Variants in INTS4 observed in about 807,000 individuals in gnomAD.
INTS4 encodes the protein MSTP093.
INTS4 carries 70 observed loss-of-function variants against 119.5 expected under a neutral mutation model. The ratio of observed to expected loss-of-function variants is 0.59; its 90% CI spans 0.48 to 0.71. The LOEUF is 0.71. Among genes scored for constraint, INTS4 ranks in the 30% least tolerant of loss-of-function variants. The pLI, the probability that INTS4 is intolerant of heterozygous loss-of-function variation, is 0.00. For synonymous variants in INTS4, 316 were observed against 419.6 expected (o/e 0.75, Z 3.02); for missense variants, 867 against 1,173.2 (o/e 0.74, Z 3.81).
At chr11:77,976,373 TAAAC>T (rs1855953244) in intron 4 of INTS4, among the ~76,000 whole-genome samples, 1 of 152,022 alleles carries the variant, frequency 6.6e-6, no homozygotes, top group Non-Finnish European at 1.5e-5. Context: ...TTCAAAAAAA[TAAAC>T]AACACAGCCT....
At chr11:77,888,990 G>A (rs1379271246) in intron 21 of INTS4, among the ~76,000 whole-genome samples, 1 of 152,192 alleles carries the variant, frequency 6.6e-6, no homozygotes, top group Non-Finnish European at 1.5e-5. Flanking sequence ...CTGTAAACTA[G>A]TTCAACCATT....
intron 4 of INTS4, among the ~76,000 whole-genome samples, chr11:77,970,961 C>T (rs1218991057): frequency 1.3e-5 from 2 of 152,038 alleles, no homozygotes; most frequent in African/African-American, 4.8e-5. Flanking sequence ...GCGCCCACCA[C>T]CATGCCTGGC....
chr11:77,990,893 T>C (rs1565296703), intron 2 of INTS4, among the ~76,000 whole-genome samples: 2 of 152,138 alleles, frequency 1.3e-5, no homozygotes, highest in Non-Finnish European at 1.5e-5. Flanking sequence ...CACCTTATCA[T>C]TGACATGTCT....
intron 10 of INTS4, among the ~76,000 whole-genome samples, chr11:77,932,162 A>G (rs1210807645): frequency 6.6e-6 from 1 of 152,188 alleles, no homozygotes; most frequent in African/African-American, 2.4e-5. Context: ...AACCTACAGA[A>G]TGGGAGAAAA....
rs1292993937 is a variant in INTS4, at chr11:77,993,175, C to T, written c.54+1415G>A. ...TCCATCTCCAGGACACGGAGATGAG[C>T]CAGGCATTAGCTCTGCCATCAAGGA... On this transcript the variant is annotated intron_variant, in intron 1 of 22. Coordinates refer to ENST00000534064, the MANE Select transcript of INTS4 (RefSeq NM_033547.4). Among the ~76,000 whole-genome samples the T allele has an allele frequency of 3.3e-5, 5 of 152,256 alleles. No individual in the cohort carries two copies. The South Asian group carries it at 1.0e-3, about 32-fold the overall frequency.
chr11:77,980,363 GC>G (rs1451656993), intron 3 of INTS4, among the ~76,000 whole-genome samples: 1 of 149,828 alleles, frequency 6.7e-6, no homozygotes, highest in African/African-American at 2.4e-5. Context: ...TTGTTTTGGT[GC>G]TTGTATTTAT....
rs117026162 is a variant in INTS4, at chr11:77,985,146, T to A, written c.247-3570A>T. On this transcript the variant is annotated intron_variant, in intron 2 of 22. Coordinates refer to ENST00000534064, the MANE Select transcript of INTS4 (RefSeq NM_033547.4). ...AAAACTGTCTTGGTTCAGGCTTTCATCACCTTTCCCCAAACTTACAGTCTT... is the reference window on the plus strand; with the variant it reads ...AAAACTGTCTTGGTTCAGGCTTTCAACACCTTTCCCCAAACTTACAGTCTT... Among the ~76,000 whole-genome samples, 4 of 152,324 alleles carry A rather than the reference T, an allele frequency of 2.6e-5. No individual in the cohort carries two copies. The East Asian group carries it at 7.7e-4, about 29-fold the overall frequency.
intron 4 of INTS4, among the ~76,000 whole-genome samples, chr11:77,973,606 C>T (rs1356550050): frequency 6.6e-6 from 1 of 151,796 alleles, no homozygotes; most frequent in Non-Finnish European, 1.5e-5. Context: ...CTATTCCTGA[C>T]CTATTCTATC....
intron 18 of INTS4, among the ~76,000 whole-genome samples, chr11:77,898,109 T>A (rs982344322): frequency 3.9e-5 from 6 of 152,028 alleles, no homozygotes; most frequent in African/African-American, 1.5e-4. Flanking sequence ...AGCCACTGCA[T>A]CTACCCCAAA....
chr11:77,918,548 T>A, intron 15 of INTS4: 1 of 312,736 alleles, frequency 3.2e-6, no homozygotes, highest in East Asian at 6.3e-5. Flanking sequence ...TGGTCACTCA[T>A]CCTAATATAT....
At chr11:77,896,756 A>T (rs531177931) in intron 18 of INTS4, among the ~76,000 whole-genome samples, 2 of 152,142 alleles carry the variant, frequency 1.3e-5, no homozygotes, top group East Asian at 3.9e-4. Context: ...AGAAAATCCA[A>T]CATTTAGTAT....
chr11:77,936,891 G>C (rs756115639), intron 10 of INTS4, among the ~76,000 whole-genome samples: 21 of 152,160 alleles, frequency 1.4e-4, no homozygotes, highest in Non-Finnish European at 2.1e-4. Flanking sequence ...AAAAATAATA[G>C]TGGCTGGGTA....
intron 15 of INTS4, chr11:77,918,309 T>G: frequency 1.9e-6 from 1 of 523,824 alleles, no homozygotes; most frequent in South Asian, 1.9e-5. Flanking sequence ...TGGTGGCATA[T>G]GCCTGTGGTC....
downstream of INTS4, among the ~76,000 whole-genome samples, chr11:77,875,952 G>A (rs1333567091): frequency 2.0e-5 from 3 of 152,196 alleles, no homozygotes; most frequent in African/African-American, 7.2e-5. Flanking sequence ...GAGCCATGAA[G>A]AGCCTTCAAG....
chr11:77,923,834 G>A (rs915187305), intron 12 of INTS4, among the ~76,000 whole-genome samples: 16 of 148,906 alleles, frequency 1.1e-4, no homozygotes, highest in African/African-American at 3.9e-4. Flanking sequence ...GCACAATCTC[G>A]GCTCACTGCA....
At chr11:77,898,711 T>C (rs1327008536) in intron 18 of INTS4, among the ~76,000 whole-genome samples, 1 of 152,184 alleles carries the variant, frequency 6.6e-6, no homozygotes, top group Non-Finnish European at 1.5e-5. Context: ...ACAGACACTA[T>C]TTTAAAGGCT....
chr11:77,964,103 T>C (rs1201936423), intron 4 of INTS4, among the ~76,000 whole-genome samples: 3 of 152,314 alleles, frequency 2.0e-5, no homozygotes, highest in East Asian at 1.9e-4. Context: ...AAAACTGCAT[T>C]AATTTCTTGT....
chr11:77,924,232 T>TA (rs71046926), intron 12 of INTS4, among the ~76,000 whole-genome samples: 53,568 of 142,452 alleles, frequency 0.38, 9,910 homozygotes, highest in Non-Finnish European at 0.4. Flanking sequence ...CCATCTCTAC[T>TA]AAAAAAAAAA....
At chr11:77,900,272 T>C (rs1013918723) in intron 18 of INTS4, among the ~76,000 whole-genome samples, 6 of 151,942 alleles carry the variant, frequency 3.9e-5, no homozygotes, top group Admixed American at 1.3e-4. Context: ...GCTAATTTTA[T>C]GTATTTTTAG....
Sources: gnomAD v4.1 joint callset for allele counts (sites outside exome capture counted in the v4.1 genomes callset) on GRCh38, gnomAD v4.1.1 for gene constraint, MANE v1.5 for transcripts, NCBI Gene and HGNC (gene_info 2026-07-23, HGNC 2026-07-21) for gene names.